The following SLC24A2 variants were observed in gnomAD, a reference collection of about 807,000 sequenced individuals.
The protein encoded by SLC24A2 is solute carrier family 24 member 2.
A neutral mutation model predicts 62.0 loss-of-function variants in SLC24A2; 36 were observed. That is an observed-to-expected ratio of 0.58 (90% CI 0.44 to 0.77). The LOEUF is 0.77. Ranked by LOEUF, SLC24A2 falls within the 30% of genes least tolerant of loss-of-function variation. The pLI, the probability that SLC24A2 is intolerant of heterozygous loss-of-function variation, is 0.00. For synonymous variants in SLC24A2, 358 were observed against 294.0 expected, an observed-to-expected ratio of 1.22 and a Z score of -2.23; for missense variants, 846 against 817.9, an observed-to-expected ratio of 1.03 and a Z score of -0.42.
Position 19,760,313 on chromosome 9 carries a change from C to T in SLC24A2, c.930+25624G>A, listed in dbSNP as rs181226094. Among the ~76,000 whole-genome samples, 210 of 152,308 alleles carry T rather than the reference C, an allele frequency of 1.4e-3. 1 individual carries two copies. The highest frequency in any genetic ancestry group is 5.0e-3 in the African/African-American group (207 of 41,582). ...TTCTCCCTCTCTTGAATTATCAAATCTTTCCTCTGCTGTGTAATTCCCATT... is the reference window on the plus strand; with the variant it reads ...TTCTCCCTCTCTTGAATTATCAAATTTTTCCTCTGCTGTGTAATTCCCATT... On this transcript the variant is annotated intron_variant, in intron 2 of 10. Coordinates refer to ENST00000341998, the MANE Select transcript of SLC24A2 (RefSeq NM_020344.4).
the SLC24A2 span, among the ~76,000 whole-genome samples, chr9:20,108,218 G>A: frequency 2.0e-5 from 3 of 152,062 alleles, no homozygotes; most frequent in East Asian, 5.8e-4. Context: ...GAGAGGATAT[G>A]GAGAAATAGG....
chr9:20,080,984 G>A, the SLC24A2 span, among the ~76,000 whole-genome samples: 1 of 152,148 alleles, frequency 6.6e-6, no homozygotes, highest in Non-Finnish European at 1.5e-5. Flanking sequence ...AACAACAGCT[G>A]CTGGAGAGGA....
chr9:20,117,769 T>G, the SLC24A2 span, among the ~76,000 whole-genome samples: 2 of 152,132 alleles, frequency 1.3e-5, no homozygotes, highest in Non-Finnish European at 2.9e-5. Flanking sequence ...TAACATTTAC[T>G]AAGGGCTTAT....
chr9:19,962,811 C>T, the SLC24A2 span, among the ~76,000 whole-genome samples: 1 of 152,156 alleles, frequency 6.6e-6, no homozygotes, highest in Non-Finnish European at 1.5e-5. Context: ...CAAACAGGGA[C>T]AATTTGACTT....
At chr9:19,892,756 G>A in the SLC24A2 span, among the ~76,000 whole-genome samples, 11 of 152,198 alleles carry the variant, frequency 7.2e-5, no homozygotes, top group African/African-American at 2.4e-4. Flanking sequence ...ACGCATGGAG[G>A]AACTGAAGCT....
chr9:20,244,064 CTTAAAG>C, the SLC24A2 span, among the ~76,000 whole-genome samples: 12 of 152,234 alleles, frequency 7.9e-5, no homozygotes, highest in African/African-American at 2.9e-4. Context: ...TGCAGGATGG[CTTAAAG>C]TTAATCCATG....
At chr9:19,860,971 G>C in the SLC24A2 span, among the ~76,000 whole-genome samples, 1 of 152,140 alleles carries the variant, frequency 6.6e-6, no homozygotes, top group Admixed American at 6.5e-5. Flanking sequence ...ACTCTAGCCT[G>C]GATGGCACCT....
rs534620967 is a variant in SLC24A2, at chr9:19,532,663, G to A, written c.1480-4525C>T. Reference sequence around the variant, plus strand: ...CTGTGAAGACCTGGCCCAGAGTCTTGGCTTTGCGTCTTTCTAGCTGGGTGT... The same window carrying A: ...CTGTGAAGACCTGGCCCAGAGTCTTAGCTTTGCGTCTTTCTAGCTGGGTGT... On this transcript the variant is annotated intron_variant, in intron 8 of 10. Coordinates refer to ENST00000341998, the MANE Select transcript of SLC24A2 (RefSeq NM_020344.4). Among the ~76,000 whole-genome samples the A allele has an allele frequency of 5.3e-5, 8 of 152,290 alleles. No individual in the cohort carries two copies. The South Asian group carries it at 1.5e-3, about 28-fold the overall frequency.
chr9:19,753,839 TTCTC>T (rs1297940561), intron 2 of SLC24A2, among the ~76,000 whole-genome samples: 2 of 152,228 alleles, frequency 1.3e-5, no homozygotes, highest in East Asian at 1.9e-4. Flanking sequence ...TCCTTCAGAT[TTCTC>T]TCTGTCACAT....
At chr9:19,797,262 G>C in the SLC24A2 span, among the ~76,000 whole-genome samples, 2 of 152,184 alleles carry the variant, frequency 1.3e-5, no homozygotes, top group Admixed American at 1.3e-4. Flanking sequence ...AGTGCCTACT[G>C]TAGTAGGTGT....
chr9:19,550,085 G>A (rs1411323160), intron 8 of SLC24A2, 52 bp downstream of exon 8: 2 of 1,584,456 alleles, frequency 1.3e-6, no homozygotes, highest in African/African-American at 1.3e-5. Flanking sequence ...TATGCACCCT[G>A]TTATGTACCA....
At chr9:19,573,187 C>T (rs1274925367) in intron 7 of SLC24A2, among the ~76,000 whole-genome samples, 164 bp downstream of exon 7, 2 of 152,096 alleles carry the variant, frequency 1.3e-5, no homozygotes, top group African/African-American at 4.8e-5. Context: ...GCATGTGGGA[C>T]CCTGGGGTGG....
At chr9:20,021,631 A>C in the SLC24A2 span, among the ~76,000 whole-genome samples, 1 of 152,048 alleles carries the variant, frequency 6.6e-6, no homozygotes, top group Non-Finnish European at 1.5e-5. Context: ...CAGGTTCAGT[A>C]TAATCTCCTC....
chr9:20,013,704 A>G, the SLC24A2 span, among the ~76,000 whole-genome samples: 2 of 152,222 alleles, frequency 1.3e-5, no homozygotes, highest in East Asian at 3.8e-4. Context: ...TTAATATCCA[A>G]AATATATAAG....
the SLC24A2 span, among the ~76,000 whole-genome samples, chr9:20,065,564 C>G: frequency 6.6e-6 from 1 of 152,184 alleles, no homozygotes; most frequent in Non-Finnish European, 1.5e-5. Flanking sequence ...AACACTGTGA[C>G]ATGGGCATTG....
chr9:20,248,263 A>T, the SLC24A2 span, among the ~76,000 whole-genome samples: 2 of 152,356 alleles, frequency 1.3e-5, no homozygotes, highest in African/African-American at 2.4e-5. Flanking sequence ...GATTTTATAC[A>T]TCGAGGATCT....
At chr9:20,014,347 A>G in the SLC24A2 span, among the ~76,000 whole-genome samples, 3 of 151,978 alleles carry the variant, frequency 2.0e-5, no homozygotes, top group Admixed American at 1.3e-4. Context: ...AAATAGAACT[A>G]CCGTATGACC....
At chr9:19,573,626 G>A (rs1207641758) in intron 6 of SLC24A2, among the ~76,000 whole-genome samples, 157 bp from the exon 7 acceptor site, 1 of 152,072 alleles carries the variant, frequency 6.6e-6, no homozygotes, top group Non-Finnish European at 1.5e-5. Flanking sequence ...CTAAAGCAGA[G>A]GATAGTGGTG....
the SLC24A2 span, among the ~76,000 whole-genome samples, chr9:19,908,067 T>C: frequency 2.4e-4 from 36 of 152,156 alleles, no homozygotes; most frequent in South Asian, 6.2e-4. Flanking sequence ...AGGCATCACG[T>C]TACCTGACTT....
Sources: allele counts gnomAD v4.1 joint callset (sites outside exome capture counted in the v4.1 genomes callset), GRCh38; gene constraint gnomAD v4.1.1; transcripts MANE v1.5; gene names NCBI Gene and HGNC (gene_info 2026-07-23, HGNC 2026-07-21).